ARHGAP39: variants seen among roughly 807,000 people sequenced by gnomAD.
ARHGAP39 encodes the protein rho GTPase-activating protein 39.
Under a neutral mutation model 106.9 loss-of-function variants are expected in ARHGAP39, and 44 were observed. That is an observed-to-expected ratio of 0.41 (90% CI 0.32 to 0.53). The LOEUF is 0.53. ARHGAP39 is among the 20% of genes least tolerant of loss of function. The pLI is 0.21. For synonymous variants in ARHGAP39, 768 were observed against 693.2 expected (o/e 1.11, Z -1.69); for missense variants, 1,496 against 1,577.3 (o/e 0.95, Z 0.87).
At chr8:144,642,959 G>A (rs552117225) in intron 1 of ARHGAP39, among the ~76,000 whole-genome samples, 1 of 152,142 alleles carries the variant, frequency 6.6e-6, no homozygotes, top group African/African-American at 2.4e-5. Flanking sequence ...GCTGCCGTGA[G>A]CCGACATCAC....
At chr8:144,648,011 G>A (rs1205268577) in intron 1 of ARHGAP39, among the ~76,000 whole-genome samples, 1 of 152,194 alleles carries the variant, frequency 6.6e-6, no homozygotes, top group Non-Finnish European at 1.5e-5. Flanking sequence ...TAGCATAGGT[G>A]GCCCTAAAAA....
Position 144,640,825 on chromosome 8 carries a change from T to C in ARHGAP39, c.-81-35130A>G, listed in dbSNP as rs533242280. 1.2e-3 allele frequency among the ~76,000 whole-genome samples: 190 copies of C among 152,216 alleles called. 1 individual carries two copies. The highest frequency in any genetic ancestry group is 4.5e-3 in the African/African-American group (187 of 41,528). On this transcript the variant is annotated intron_variant, in intron 1 of 11. Coordinates refer to ENST00000377307, the MANE Select transcript of ARHGAP39 (RefSeq NM_025251.3). ...CTCTCTAAATCCCGATAAATAGCCA[T>C]TAGGTATTAGATAAGCGTCCCACGA...
chr8:144,603,092 C>T lies in ARHGAP39; in HGVS notation c.80+2443G>A, dbSNP rs142878391. ...GTGTGCGTGCGTGGAGGTGTGTGCG[C>T]GAGCTCATGTATCTGTGTGCGTGGA... On this transcript the variant is annotated intron_variant, in intron 2 of 11. Transcript: ENST00000377307. Among the ~76,000 whole-genome samples the T allele has an allele frequency of 2.7e-3, 332 of 121,366 alleles. 2 individuals are homozygous for T. Among genetic ancestry groups the T allele is most frequent in the Admixed American group, 0.014 (161 of 11,114 alleles). The allele number at this position is 121,366 out of a possible 152,430, so 79.6% of individuals were successfully genotyped here.
chr8:144,608,073 C>T (rs1820358730), intron 1 of ARHGAP39, among the ~76,000 whole-genome samples: 1 of 149,690 alleles, frequency 6.7e-6, no homozygotes, highest in South Asian at 2.1e-4. Context: ...AGGAGAATCA[C>T]CTGAACCTGG....
chr8:144,539,362 G>T (rs1375673361), intron 6 of ARHGAP39, among the ~76,000 whole-genome samples: 1 of 152,150 alleles, frequency 6.6e-6, no homozygotes, highest in Non-Finnish European at 1.5e-5. Context: ...TGTGACTGGT[G>T]TATCTTCTCA....
rs538338923 is a variant in ARHGAP39, at chr8:144,604,192, G to A, written c.80+1343C>T. The stretch of plus-strand genomic sequence containing the variant: ...GGGCCCAGAGCGCCCAGAGGTGGCC[G>A]GGAGGCAGCAGCTGCACCTCGGGGG... On this transcript the variant is annotated intron_variant, in intron 2 of 11. Transcript: ENST00000377307. The surrounding 1 kb of genome is among the most constrained non-coding windows in gnomAD (Gnocchi z 4.1). Among the ~76,000 whole-genome samples, 6 of 152,298 alleles carry A rather than the reference G, an allele frequency of 3.9e-5. No individual in the cohort carries two copies. The highest frequency in any genetic ancestry group is 4.1e-4 in the South Asian group (2 of 4,824).
chr8:144,680,105 C>T lies in ARHGAP39; in HGVS notation c.-82+5581G>A, dbSNP rs138925592. Among the ~76,000 whole-genome samples the T allele has an allele frequency of 4.6e-3, 699 of 152,308 alleles. 5 individuals are homozygous for T. Among genetic ancestry groups the T allele is most frequent in the Middle Eastern group, 0.031 (9 of 294 alleles). On this transcript the variant is annotated intron_variant, in intron 1 of 11. Transcript: ENST00000377307. ...CCGCTAGAAACCACACATAACCAAC[C>T]TTCTCACCTTTGCTCCCAAAATGTG...
chr8:144,563,245 T>C (rs902135721), intron 3 of ARHGAP39, among the ~76,000 whole-genome samples: 7 of 152,230 alleles, frequency 4.6e-5, no homozygotes, highest in African/African-American at 1.7e-4. Context: ...TGAAAAGTAT[T>C]TGAATCTATT....
At chr8:144,598,755 G>A (rs1353157009) in intron 2 of ARHGAP39, among the ~76,000 whole-genome samples, 3 of 152,284 alleles carry the variant, frequency 2.0e-5, no homozygotes, top group African/African-American at 7.2e-5. Context: ...AAAACACAGA[G>A]GCACTGAAGA....
intron 2 of ARHGAP39, among the ~76,000 whole-genome samples, chr8:144,590,260 A>G (rs961759475): frequency 2.6e-5 from 4 of 152,228 alleles, no homozygotes; most frequent in African/African-American, 9.6e-5. Flanking sequence ...AGTGGCACTG[A>G]CAGGTCACTT....
chr8:144,601,229 CAT>C (rs1470980923), intron 2 of ARHGAP39, among the ~76,000 whole-genome samples: 4 of 127,520 alleles, frequency 3.1e-5, no homozygotes, highest in East Asian at 2.4e-4. Context: ...TGTGCAAGCT[CAT>C]GTACCTGTGT....
rs968164493 is a variant in ARHGAP39 at position 144,644,354 on chromosome 8, A to G, written c.-81-38659T>C. ...TGACATATTGTAGGATTCCATGTCCATGAAGTGACCAGGAGCGGCAGATCG... is the reference window on the plus strand; with the variant it reads ...TGACATATTGTAGGATTCCATGTCCGTGAAGTGACCAGGAGCGGCAGATCG... On this transcript the variant is annotated intron_variant, in intron 1 of 11. Coordinates refer to ENST00000377307, the MANE Select transcript of ARHGAP39 (RefSeq NM_025251.3). The surrounding 1 kb of genome is among the most constrained non-coding windows in gnomAD (Gnocchi z 4.8). Among the ~76,000 whole-genome samples, 55 of 152,324 alleles carry G rather than the reference A, an allele frequency of 3.6e-4. No individual in the cohort carries two copies. The highest frequency in any genetic ancestry group is 1.3e-3 in the African/African-American group (55 of 41,586).
intron 10 of ARHGAP39, 25 bp from the exon 11 acceptor site, chr8:144,530,896 C>A: frequency 6.3e-7 from 1 of 1,587,528 alleles, no homozygotes; most frequent in African/African-American, 1.3e-5. Context: ...CGGGGCTCAG[C>A]GGCCCTGCTC....
chr8:144,646,065 C>T lies in ARHGAP39; in HGVS notation c.-82+39621G>A, dbSNP rs1017135084. On this transcript the variant is annotated intron_variant, in intron 1 of 11. Coordinates refer to ENST00000377307, the MANE Select transcript of ARHGAP39 (RefSeq NM_025251.3). This position sits in a 1 kb window ranked among gnomAD's most constrained non-coding sequence, Gnocchi z 5.7. ...ACCTGACCAGCAACCACCTGCTGGG[C>T]GTCCCCCGGAGCTGCACTGGTCACC... 7.2e-5 allele frequency among the ~76,000 whole-genome samples: 11 copies of T among 152,218 alleles called. No homozygotes were observed. Among genetic ancestry groups the T allele is most frequent in the African/African-American group, 1.2e-4 (5 of 41,450 alleles).
intron 1 of ARHGAP39, among the ~76,000 whole-genome samples, chr8:144,655,802 C>T (rs1049283132): frequency 2.6e-5 from 4 of 152,098 alleles, no homozygotes; most frequent in Admixed American, 2.0e-4. Flanking sequence ...GAAGCGACAC[C>T]CCAAAGACCC....
At chr8:144,652,305 A>C (rs906382269) in intron 1 of ARHGAP39, among the ~76,000 whole-genome samples, 3 of 152,222 alleles carry the variant, frequency 2.0e-5, no homozygotes, top group South Asian at 4.1e-4. Flanking sequence ...GTGAACACTT[A>C]ACACTGTTGG....
intron 1 of ARHGAP39, among the ~76,000 whole-genome samples, chr8:144,612,008 TAAAAA>T (rs554351101): frequency 3.6e-5 from 4 of 109,828 alleles, no homozygotes; most frequent in Non-Finnish European, 3.9e-5. Flanking sequence ...AAACTCCATG[TAAAAA>T]AAAAAAAAAA....
chr8:144,595,430 G>A (rs1179429031), intron 2 of ARHGAP39, among the ~76,000 whole-genome samples: 1 of 152,220 alleles, frequency 6.6e-6, no homozygotes, highest in Non-Finnish European at 1.5e-5. Context: ...AGAGGCTGCT[G>A]CTGGGAGTGG....
rs1160930126 is a variant in ARHGAP39 at position 144,547,537 on chromosome 8, G to T, written c.1549C>A (p.Leu517Ile). The change falls in exon 5 of 12, where the codon CTT (leucine) becomes ATT (isoleucine). Residue 517 changes from leucine to isoleucine, a missense_variant. Leu to Ile is a conservative substitution (Grantham distance 5, BLOSUM62 2). This residue lies in a region of ARHGAP39 where 905 missense variants were observed against 816.4 expected (regional missense o/e 1.11). Transcript: ENST00000377307. The surrounding 1 kb of genome is among the most constrained non-coding windows in gnomAD (Gnocchi z 5.2). Reference protein sequence around the residue: ...ATPTEGPGDLLVEQPLAEEQP... With the variant: ...ATPTEGPGDLIVEQPLAEEQP... ...TCCTCGGCCAGGGGCTGCTCCACAAGCAGGTCCCCGGGGCCCTCAGTGGGG... is the reference window on the plus strand; with the variant it reads ...TCCTCGGCCAGGGGCTGCTCCACAATCAGGTCCCCGGGGCCCTCAGTGGGG... The T allele has an allele frequency of 6.8e-7, 1 of 1,477,688 alleles. No individual in the cohort carries two copies. Among genetic ancestry groups the T allele is most frequent in the Admixed American group, 2.3e-5 (1 of 43,570 alleles). 91.5% of individuals were successfully genotyped at this position (1,477,688 alleles called of 1,614,324 possible).
Sources: allele counts gnomAD v4.1 joint callset (sites outside exome capture counted in the v4.1 genomes callset), GRCh38; gene constraint gnomAD v4.1.1; regional missense constraint gnomAD v4.1.1; non-coding constraint Gnocchi (gnomAD v3.1); transcripts MANE v1.5; gene names NCBI Gene and HGNC (gene_info 2026-07-23, HGNC 2026-07-21).